The following ST3GAL3 variants were observed in gnomAD, a reference collection of about 807,000 sequenced individuals.
ST3GAL3 encodes CMP-N-acetylneuraminate-beta-1,4-galactoside alpha-2,3-sialyltransferase.
In ST3GAL3, 21 loss-of-function variants were observed where a neutral mutation model predicts 50.1. The ratio of observed to expected loss-of-function variants is 0.42; its 90% confidence interval spans 0.30 to 0.60. The LOEUF is 0.60. ST3GAL3 is among the 20% of genes least tolerant of loss of function. The pLI is 0.19. For synonymous variants in ST3GAL3, 183 were observed against 190.0 expected, an observed-to-expected ratio of 0.96 and a Z score of 0.30; for missense variants, 353 against 489.4, an observed-to-expected ratio of 0.72 and a Z score of 2.63.
intron 1 of ST3GAL3, among the ~76,000 whole-genome samples, chr1:43,712,786 T>C (rs1665433982): frequency 6.6e-6 from 1 of 152,198 alleles, no homozygotes; most frequent in Non-Finnish European, 1.5e-5. Flanking sequence ...AAGCAAAGAA[T>C]GTGGCTACAT....
intron 5 of ST3GAL3, chr1:43,851,670 G>A: frequency 7.5e-7 from 1 of 1,332,118 alleles, no homozygotes; most frequent in African/African-American, 1.5e-5. Flanking sequence ...GGCTGCGCCA[G>A]CATCTTGTCA....
At position 43,850,742 on chromosome 1, in the gene ST3GAL3, T is replaced by G. The variant is rs1351905443; in HGVS notation, c.302+12431T>G. 6 of 767,728 alleles carry G rather than the reference T, an allele frequency of 7.8e-6. No homozygotes were observed. In the African/African-American group the frequency reaches 8.5e-5, roughly 11 times the overall value. The allele number at this position is 767,728 out of a possible 1,614,324, so 47.6% of individuals were successfully genotyped here. On this transcript the variant is annotated intron_variant, in intron 5 of 11. Coordinates refer to ENST00000347631, the MANE Select transcript of ST3GAL3 (RefSeq NM_006279.5). ...GCTCCGTCAGTGCCTCAGACAGAGCTCTGCAGTTGGCCACCACATGGTGCT... is the reference window on the plus strand; with the variant it reads ...GCTCCGTCAGTGCCTCAGACAGAGCGCTGCAGTTGGCCACCACATGGTGCT...
chr1:43,927,276 G>T (rs1452498294), intron 11 of ST3GAL3, among the ~76,000 whole-genome samples: 1 of 152,212 alleles, frequency 6.6e-6, no homozygotes, highest in Non-Finnish European at 1.5e-5. Context: ...AGTGAGCCAA[G>T]ATCGCACCAT....
At chr1:43,749,613 A>G (rs1404021564) in intron 2 of ST3GAL3, among the ~76,000 whole-genome samples, 2 of 152,282 alleles carry the variant, frequency 1.3e-5, no homozygotes, top group South Asian at 4.2e-4. Flanking sequence ...GAAACTGACA[A>G]AGGACTTGAA....
chr1:43,894,359 C>T, intron 5 of ST3GAL3, 24 bp from the exon 6 acceptor site: 1 of 1,612,008 alleles, frequency 6.2e-7, no homozygotes, highest in Non-Finnish European at 8.5e-7. Flanking sequence ...TTTTGTGATC[C>T]TCAGCAGTCC....
At chr1:43,843,464 T>A (rs961134796) in intron 5 of ST3GAL3, among the ~76,000 whole-genome samples, 9 of 152,234 alleles carry the variant, frequency 5.9e-5, no homozygotes, top group African/African-American at 2.2e-4. Flanking sequence ...CTTGGTGTAT[T>A]GTTCTTTTTA....
At position 43,917,669 on chromosome 1, in the gene ST3GAL3, T is replaced by TA. The variant is rs1557541926; in HGVS notation, c.745-2735_745-2734insA. On this transcript the variant is annotated intron_variant, in intron 9 of 11. Transcript: ENST00000347631. ...TATATAATATAATATATAATATATA[T>TA]TATATATATATATATTTTAAACAGA... Among the ~76,000 whole-genome samples, 16 of 91,182 alleles carry TA rather than the reference T, an allele frequency of 1.8e-4. No individual in the cohort carries two copies. In the East Asian group the frequency reaches 4.5e-3, roughly 26 times the overall value. 59.8% of individuals were successfully genotyped at this position (91,182 alleles called of 152,430 possible).
At chr1:43,747,072 G>A (rs946700722) in intron 2 of ST3GAL3, among the ~76,000 whole-genome samples, 6 of 151,298 alleles carry the variant, frequency 4.0e-5, no homozygotes, top group Admixed American at 3.3e-4. Flanking sequence ...GGCCTAAAAT[G>A]GTAAATTTTA....
chr1:43,752,172 T>C (rs1686402447), intron 2 of ST3GAL3, among the ~76,000 whole-genome samples: 3 of 152,166 alleles, frequency 2.0e-5, no homozygotes, highest in Non-Finnish European at 4.4e-5. Context: ...CTAAAGCGCT[T>C]TGCATGCATC....
chr1:43,806,014 G>T lies in ST3GAL3; in HGVS notation c.167-8877G>T, dbSNP rs942110110. ...CTCCCAAAGTGCTGGGATTACAGGCGTGAACCACCGTGCCCGGCAAGGAAT... is the reference window on the plus strand; with the variant it reads ...CTCCCAAAGTGCTGGGATTACAGGCTTGAACCACCGTGCCCGGCAAGGAAT... On this transcript the variant is annotated intron_variant, in intron 3 of 11. Coordinates refer to ENST00000347631, the MANE Select transcript of ST3GAL3 (RefSeq NM_006279.5). Among the ~76,000 whole-genome samples, 3 of 152,164 alleles carry T rather than the reference G, an allele frequency of 2.0e-5. No individual in the cohort carries two copies. In the South Asian group the frequency reaches 6.2e-4, roughly 32 times the overall value.
chr1:43,729,433 C>G (rs777338780), intron 1 of ST3GAL3, among the ~76,000 whole-genome samples: 15 of 152,130 alleles, frequency 9.9e-5, no homozygotes, highest in Non-Finnish European at 1.6e-4. Context: ...CAATACAAGT[C>G]AAAATATTAA....
chr1:43,727,585 G>A (rs1673557051), intron 1 of ST3GAL3, among the ~76,000 whole-genome samples: 1 of 150,870 alleles, frequency 6.6e-6, no homozygotes, highest in African/African-American at 2.4e-5. Context: ...ATGGCTGAGT[G>A]GGACCAGCAT....
chr1:43,850,508 A>C lies in ST3GAL3; in HGVS notation c.302+12197A>C, dbSNP rs560571915. 111 of 646,110 alleles carry C rather than the reference A, an allele frequency of 1.7e-4. No individual in the cohort carries two copies. The African/African-American group carries it at 1.8e-3, about 11-fold the overall frequency. The allele number at this position is 646,110 out of a possible 1,614,324, so 40.0% of individuals were successfully genotyped here. Reference sequence around the variant, plus strand: ...CTACCTTTTGGAAGCCTTTTTCCAAAAGTCCAAGAGATGTCAGTGCTGGGT... The same window carrying C: ...CTACCTTTTGGAAGCCTTTTTCCAACAGTCCAAGAGATGTCAGTGCTGGGT... On this transcript the variant is annotated intron_variant, in intron 5 of 11. Coordinates refer to ENST00000347631, the MANE Select transcript of ST3GAL3 (RefSeq NM_006279.5).
chr1:43,771,609 G>T (rs529346517), intron 2 of ST3GAL3, among the ~76,000 whole-genome samples: 1 of 152,120 alleles, frequency 6.6e-6, no homozygotes, highest in East Asian at 1.9e-4. Context: ...TGCCCGCCTC[G>T]GCCTCCCAAA....
At chr1:43,723,793 G>A (rs1188846491) in intron 1 of ST3GAL3, among the ~76,000 whole-genome samples, 2 of 151,840 alleles carry the variant, frequency 1.3e-5, no homozygotes, top group African/African-American at 4.8e-5. Context: ...CGTATTTTTA[G>A]TAGAGATGAG....
chr1:43,756,116 A>AAAAAAAAAAAAAAAAAAG (rs763780680), intron 2 of ST3GAL3, among the ~76,000 whole-genome samples: 5 of 136,814 alleles, frequency 3.7e-5, no homozygotes, highest in East Asian at 2.1e-4. Flanking sequence ...AAAAAAAAAA[A>AAAAAAAAAAAAAAAAAAG]AAGAAGAAGA....
At chr1:43,874,575 A>G (rs971878407) in intron 5 of ST3GAL3, among the ~76,000 whole-genome samples, 5 of 152,236 alleles carry the variant, frequency 3.3e-5, no homozygotes, top group African/African-American at 1.2e-4. Flanking sequence ...TTGTTTGCCT[A>G]TGGGGATAAT....
chr1:43,921,231 C>T (rs916315946), intron 11 of ST3GAL3, among the ~76,000 whole-genome samples: 6 of 152,172 alleles, frequency 3.9e-5, no homozygotes, highest in Non-Finnish European at 8.8e-5. Flanking sequence ...CAGTTCCTGC[C>T]TTCCCCCAGA....
At chr1:43,803,373 CAAA>C (rs139652535) in intron 3 of ST3GAL3, among the ~76,000 whole-genome samples, 5 of 134,482 alleles carry the variant, frequency 3.7e-5, no homozygotes, top group Non-Finnish European at 4.8e-5. Flanking sequence ...GATCCCACCT[CAAA>C]AAAAAAAAAA....
Sources: gnomAD v4.1 joint callset for allele counts (sites outside exome capture counted in the v4.1 genomes callset) on GRCh38, gnomAD v4.1.1 for gene constraint, MANE v1.5 for transcripts, NCBI Gene and HGNC (gene_info 2026-07-23, HGNC 2026-07-21) for gene names.